GCLM: variants seen among roughly 807,000 people sequenced by gnomAD.
The protein encoded by GCLM is glutamate--cysteine ligase regulatory subunit.
A neutral mutation model predicts 36.0 loss-of-function variants in GCLM; 15 were observed. The ratio of observed to expected loss-of-function variants is 0.42; its 90% confidence interval spans 0.28 to 0.64. GCLM has a LOEUF of 0.64. GCLM is among the 30% of genes least tolerant of loss of function. GCLM has a pLI of 0.25. For synonymous variants in GCLM, 129 were observed against 122.8 expected, an observed-to-expected ratio of 1.05 and a Z score of -0.34; for missense variants, 242 against 325.5, an observed-to-expected ratio of 0.74 and a Z score of 1.97.
chr1:93,898,302 T>TG (rs1251045333), intron 3 of GCLM, among the ~76,000 whole-genome samples: 2 of 6,640 alleles, frequency 3.0e-4, no homozygotes, highest in Non-Finnish European at 6.3e-4. Context: ...AGAAGAAAAC[T>TG]GAAAAAAAAA....
Position 93,889,074 on chromosome 1 carries a change from T to C in GCLM, c.741A>G (p.Leu247=). Residue 247 remains leucine (L), a synonymous_variant, in exon 7 of 7, where the codon CTA becomes CTG. Coordinates refer to ENST00000370238, the MANE Select transcript of GCLM (RefSeq NM_002061.4). ...IQAHEWVPLW[L]LRYSVIVKSR... is the part of the protein sequence containing the mutation. ...TTTTCACAATGACCGAATACCGCAG[T>C]AGCCACAGCGGCACCCACTCGTGCG... is the stretch of plus-strand genomic sequence containing the variant. 1 of 1,603,392 alleles carries C rather than the reference T, an allele frequency of 6.2e-7. No individual in the cohort carries two copies. The highest frequency in any genetic ancestry group is 8.5e-7 in the Non-Finnish European group (1 of 1,174,924).
intron 2 of GCLM, among the ~76,000 whole-genome samples, chr1:93,902,762 T>C (rs1162518579): frequency 6.6e-6 from 1 of 152,222 alleles, no homozygotes; most frequent in Non-Finnish European, 1.5e-5. Context: ...TATCCACCAT[T>C]ACAATATCAT....
At chr1:93,891,353 T>C (rs1395269469) in intron 6 of GCLM, among the ~76,000 whole-genome samples, 1 of 152,176 alleles carries the variant, frequency 6.6e-6, no homozygotes, top group African/African-American at 2.4e-5. Context: ...GCTTCTGCCT[T>C]TTCCTTGAAC....
intron 6 of GCLM, among the ~76,000 whole-genome samples, chr1:93,890,840 T>C (rs1342559636): frequency 6.6e-6 from 1 of 151,980 alleles, no homozygotes; most frequent in Non-Finnish European, 1.5e-5. Context: ...CAGTTGATAA[T>C]TTGAGAGTGC....
Position 93,909,140 on chromosome 1 carries a change from G to A in GCLM, c.24C>T (p.Ala8=). Residue 8 remains alanine, a synonymous_variant, in exon 1 of 7, where the codon GCC becomes GCT. Coordinates refer to ENST00000370238, the MANE Select transcript of GCLM (RefSeq NM_002061.4). MGTDSRA[A]KALLARARTL... ...TGCGGGCCCGCGCCAGGAGCGCCTT[G>A]GCCGCGCGGCTGTCGGTGCCCATGG... is the stretch of plus-strand genomic sequence containing the variant. 1 of 1,388,734 alleles carries A rather than the reference G, an allele frequency of 7.2e-7. No homozygotes were observed. Among genetic ancestry groups the A allele is most frequent in the Non-Finnish European group, 9.4e-7 (1 of 1,066,000 alleles). 86.0% of individuals were successfully genotyped at this position (1,388,734 alleles called of 1,614,324 possible). A position where few individuals can be genotyped will look rare whatever the true frequency, so the allele number is the denominator to read the frequency against.
At chr1:93,893,741 G>C (rs1656618238) in intron 6 of GCLM, among the ~76,000 whole-genome samples, 1 of 152,032 alleles carries the variant, frequency 6.6e-6, no homozygotes, top group Non-Finnish European at 1.5e-5. Flanking sequence ...ATTTATCTTT[G>C]CAAGTTATGT....
rs1469373480 is a variant in GCLM, at chr1:93,888,964, A to G, written c.*26T>C. 2 of 1,475,956 alleles carry G rather than the reference A, an allele frequency of 1.4e-6. No homozygotes were observed. The highest frequency in any genetic ancestry group is 2.4e-5 in the Admixed American group (1 of 41,320). The allele number at this position is 1,475,956 out of a possible 1,614,324, so 91.4% of individuals were successfully genotyped here. On this transcript the variant is annotated 3_prime_UTR_variant, in exon 7 of 7. Transcript: ENST00000370238. The stretch of plus-strand genomic sequence containing the variant: ...ATTTTCTCTCATATTGAAGGAAATT[A>G]CAGGTAAGTTATGCTCCTAAGTCAG...
At chr1:93,893,878 T>C (rs1054499302) in intron 6 of GCLM, among the ~76,000 whole-genome samples, 2 of 152,216 alleles carry the variant, frequency 1.3e-5, no homozygotes, top group African/African-American at 4.8e-5. Context: ...CTTAATAAAA[T>C]ACCTACTTAC....
rs367918941 is a variant in GCLM, at chr1:93,889,084, G to A, written c.731C>T (p.Pro244Leu). Residue 244 changes from proline to leucine, a missense_variant, in exon 7 of 7, where the codon CCG (proline) becomes CTG (leucine). Coordinates refer to ENST00000370238, the MANE Select transcript of GCLM (RefSeq NM_002061.4). ...GACCGAATACCGCAGTAGCCACAGC[G>A]GCACCCACTCGTGCGCTTGAATGTC... ...IPDIQAHEWV[P>L]LWLLRYSVIV... 15 of 1,601,478 alleles carry A rather than the reference G, an allele frequency of 9.4e-6. No individual in the cohort carries two copies. Among genetic ancestry groups the A allele is most frequent in the East Asian group, 2.3e-5 (1 of 43,928 alleles).
chr1:93,900,001 A>G (rs1340371680), intron 3 of GCLM, among the ~76,000 whole-genome samples: 1 of 113,372 alleles, frequency 8.8e-6, no homozygotes, highest in Non-Finnish European at 1.7e-5. Context: ...ATACCCTTAC[A>G]TAAAGTGCTG....
intron 6 of GCLM, among the ~76,000 whole-genome samples, chr1:93,891,769 C>G (rs6702045): frequency 0.081 from 12,360 of 152,102 alleles, 1,282 homozygotes; most frequent in African/African-American, 0.24. Context: ...GCTAAAGGAC[C>G]CACCTACTCC....
chr1:93,890,137 T>TCAGGAGTTCCACCAG (rs1656480501), intron 6 of GCLM, among the ~76,000 whole-genome samples: 1 of 152,052 alleles, frequency 6.6e-6, no homozygotes, highest in Non-Finnish European at 1.5e-5. Context: ...CTCGAACTCC[T>TCAGGAGTTCCACCAG]GACCTCAGGT....
At chr1:93,902,462 G>A (rs1299260412) in intron 2 of GCLM, among the ~76,000 whole-genome samples, 1 of 151,292 alleles carries the variant, frequency 6.6e-6, no homozygotes. Flanking sequence ...ACAGGCATGA[G>A]CCACCGCGCC....
chr1:93,895,148 G>A (rs551382586), intron 5 of GCLM, among the ~76,000 whole-genome samples: 23 of 151,746 alleles, frequency 1.5e-4, no homozygotes, highest in African/African-American at 5.3e-4. Flanking sequence ...CCAAGTAGCT[G>A]GGATTACAGG....
At position 93,895,268 on chromosome 1, in the gene GCLM, G is replaced by A. The variant is rs776114699; in HGVS notation, c.541-540C>T. ...TGACCTCAGGTGATCTACCCACCTCGGCCTCCCAAAGTGCTGGGCTTACAG... is the reference window on the plus strand; with the variant it reads ...TGACCTCAGGTGATCTACCCACCTCAGCCTCCCAAAGTGCTGGGCTTACAG... On this transcript the variant is annotated intron_variant, in intron 5 of 6. Transcript: ENST00000370238. 2.2e-4 allele frequency among the ~76,000 whole-genome samples: 33 copies of A among 151,696 alleles called. 1 individual carries two copies. Among genetic ancestry groups the A allele is most frequent in the African/African-American group, 7.8e-4 (32 of 41,284 alleles).
Position 93,894,810 on chromosome 1 carries a change from CTT to C in GCLM, c.541-84_541-83del. 7.2e-6 allele frequency: 5 copies of C among 694,506 alleles called. No individual in the cohort carries two copies. In the South Asian group the frequency reaches 8.5e-5, roughly 12 times the overall value. The allele number at this position is 694,506 out of a possible 1,614,324, so 43.0% of individuals were successfully genotyped here. A position where few individuals can be genotyped will look rare whatever the true frequency, so the allele number is the denominator to read the frequency against. ...TAGAAAGCAATAAGCAATAAAATAA[CTT>C]AATTTTAGAACATATGAAAAATCAC... On this transcript the variant is annotated intron_variant, in intron 5 of 6. Transcript: ENST00000370238.
Position 93,889,179 on chromosome 1 carries a change from A to T in GCLM, c.656-20T>A. On this transcript the variant is annotated intron_variant, in intron 6 of 6. Transcript: ENST00000370238. ...GCAGTTCTAAAAGAAACAACAACAA[A>T]CAAAACTCCAGCGTGTTAAATTGGA... The T allele has an allele frequency of 6.5e-7, 1 of 1,529,686 alleles. No individual in the cohort carries two copies. The highest frequency in any genetic ancestry group is 8.8e-7 in the Non-Finnish European group (1 of 1,138,750). The allele number at this position is 1,529,686 out of a possible 1,614,324, so 94.8% of individuals were successfully genotyped here.
Position 93,897,824 on chromosome 1 carries a change from T to A in GCLM, c.337+15A>T. ...AAAGTCCACTATTAAGATAAAAAAT[T>A]CAGTTTTTGCTTACCCATGTCAACT... is the stretch of plus-strand genomic sequence containing the variant. On this transcript the variant is annotated intron_variant, in intron 4 of 6. Transcript: ENST00000370238. 1 of 1,447,202 alleles carries A rather than the reference T, an allele frequency of 6.9e-7. No individual in the cohort carries two copies. Among genetic ancestry groups the A allele is most frequent in the Non-Finnish European group, 9.4e-7 (1 of 1,063,244 alleles). The allele number at this position is 1,447,202 out of a possible 1,614,324, so 89.6% of individuals were successfully genotyped here.
At chr1:93,892,273 CAG>C (rs1656564443) in intron 6 of GCLM, among the ~76,000 whole-genome samples, 1 of 152,064 alleles carries the variant, frequency 6.6e-6, no homozygotes, top group South Asian at 2.1e-4. Flanking sequence ...ATTTTTAGAA[CAG>C]GGGTAGACCT....
Sources: gnomAD v4.1 joint callset for allele counts (sites outside exome capture counted in the v4.1 genomes callset) on GRCh38, gnomAD v4.1.1 for gene constraint, MANE v1.5 for transcripts, NCBI Gene and HGNC (gene_info 2026-07-23, HGNC 2026-07-21) for gene names.